PARVB: variants seen among roughly 807,000 people sequenced by gnomAD.
PARVB encodes the protein beta-parvin.
Under a neutral mutation model 47.0 loss-of-function variants are expected in PARVB, and 46 were observed. That is an observed-to-expected ratio of 0.98 (90% CI 0.77 to 1.25). PARVB has a LOEUF of 1.25. PARVB is among the 50% of genes most tolerant of loss of function. The probability of loss-of-function intolerance (pLI) is 0.00; values close to 1 mark genes in which losing one functional copy is unlikely to be tolerated. For synonymous variants in PARVB, 196 were observed against 196.3 expected, an observed-to-expected ratio of 1.00 and a Z score of 0.01; for missense variants, 473 against 471.6, an observed-to-expected ratio of 1.00 and a Z score of -0.03.
chr22:44,165,752 C>G (rs2054153940), intron 12 of PARVB, among the ~76,000 whole-genome samples: 1 of 152,244 alleles, frequency 6.6e-6, no homozygotes. Flanking sequence ...TCCAGCAGGG[C>G]CCACGGGCAG....
At chr22:44,014,045 ATC>A (rs55845140) in intron 2 of PARVB, among the ~76,000 whole-genome samples, 1,956 of 152,268 alleles carry the variant, frequency 0.013, 16 homozygotes, top group Non-Finnish European at 0.018. Flanking sequence ...CAAGACCTCC[ATC>A]TCTGTTTGAA....
rs1242675539 is a variant in PARVB, at chr22:44,069,076, A to G, written c.113-24852A>G. On this transcript the variant is annotated intron_variant, in intron 1 of 12. Coordinates refer to ENST00000338758, the MANE Select transcript of PARVB (RefSeq NM_013327.5). ...AGTGGCGCCCCTGCCACGTCCCTAT[A>G]TGAACGGGGTGTGTGCCCGCCTGCC... 5 of 1,602,170 alleles carry G rather than the reference A, an allele frequency of 3.1e-6. No individual in the cohort carries two copies. The African/African-American group carries it at 4.0e-5, about 13-fold the overall frequency.
chr22:44,114,566 GAT>G (rs1288873203), intron 3 of PARVB: 1 of 69,684 alleles, frequency 1.4e-5, no homozygotes. Flanking sequence ...CACCAACACA[GAT>G]ATGTTGTTAC....
chr22:44,141,901 T>C (rs988999192), intron 8 of PARVB: 3 of 152,204 alleles, frequency 2.0e-5, no homozygotes, highest in Admixed American at 1.3e-4. Flanking sequence ...ATCCTGTATA[T>C]AGTTGCTGAG....
chr22:44,002,558 G>T (rs949800134), intron 2 of PARVB, among the ~76,000 whole-genome samples: 26 of 152,232 alleles, frequency 1.7e-4, no homozygotes, highest in Middle Eastern at 3.4e-3. Flanking sequence ...TGGTCTCTGC[G>T]CTCCGTGGGG....
chr22:44,067,354 C>T (rs906013213), intron 1 of PARVB, among the ~76,000 whole-genome samples: 43 of 152,208 alleles, frequency 2.8e-4, no homozygotes, highest in African/African-American at 8.2e-4. Context: ...TTTTCAAGTG[C>T]GTAGTTATTT....
chr22:44,145,199 A>T (rs963572396), intron 8 of PARVB: 2 of 152,300 alleles, frequency 1.3e-5, no homozygotes, highest in African/African-American at 4.8e-5. Context: ...ACCAAGAGCG[A>T]GGCAGGGGCT....
intron 4 of PARVB, among the ~76,000 whole-genome samples, chr22:44,120,518 C>T (rs1430693904): frequency 6.6e-6 from 1 of 152,128 alleles, no homozygotes; most frequent in Non-Finnish European, 1.5e-5. Flanking sequence ...ACTGCGCTGC[C>T]TGCTTGTCCT....
intron 1 of PARVB, among the ~76,000 whole-genome samples, chr22:44,069,549 A>G (rs2051607660): frequency 6.6e-6 from 1 of 150,864 alleles, no homozygotes; most frequent in African/African-American, 2.4e-5. Flanking sequence ...TCTCTCTGAG[A>G]TGGAGTCTTG....
intron 1 of PARVB, among the ~76,000 whole-genome samples, chr22:44,029,604 G>A (rs2050788433): frequency 1.3e-5 from 2 of 150,420 alleles, no homozygotes. Context: ...GGGGAAACCC[G>A]GTCTCTACTA....
intron 3 of PARVB, chr22:44,109,073 G>A (rs2052631013): frequency 7.2e-6 from 1 of 138,424 alleles, no homozygotes; most frequent in Non-Finnish European, 1.6e-5. Context: ...CTGTCTTTAA[G>A]TTCTGTTTTC....
At chr22:44,073,363 G>A (rs1485411935) in intron 1 of PARVB, among the ~76,000 whole-genome samples, 1 of 152,150 alleles carries the variant, frequency 6.6e-6, no homozygotes. Flanking sequence ...GCGTGGCGGT[G>A]CATGCTTGTA....
chr22:44,100,842 T>C (rs933002744), intron 3 of PARVB, among the ~76,000 whole-genome samples: 4 of 152,176 alleles, frequency 2.6e-5, no homozygotes, highest in Admixed American at 6.5e-5. Context: ...GGGCTCTGCC[T>C]GACCTTGGTG....
intron 8 of PARVB, chr22:44,140,781 T>A (rs2053535932): frequency 2.5e-5 from 8 of 316,482 alleles, no homozygotes; most frequent in South Asian, 1.6e-4. Context: ...TGTGGGCTGG[T>A]TTTATTAGTG....
At position 44,133,865 on chromosome 22, in the gene PARVB, C is replaced by T. The variant is rs145070860; in HGVS notation, c.633+856C>T. On this transcript the variant is annotated intron_variant, in intron 6 of 12. Coordinates refer to ENST00000338758, the MANE Select transcript of PARVB (RefSeq NM_013327.5). ...TTTCCCTTACATTTAAGTGGACAGT[C>T]GCTGCCTAGGGTTCGTGTGTGCAGT... Among the ~76,000 whole-genome samples the T allele has an allele frequency of 5.8e-3, 888 of 152,318 alleles. 7 individuals carry two copies. Among genetic ancestry groups the T allele is most frequent in the African/African-American group, 0.02 (847 of 41,562 alleles).
chr22:44,077,826 T>C (rs1447309783), intron 1 of PARVB, among the ~76,000 whole-genome samples: 1 of 151,976 alleles, frequency 6.6e-6, no homozygotes, highest in South Asian at 2.1e-4. Context: ...GCCTCCCGAG[T>C]AGCTGGTATT....
chr22:44,096,089 G>A (rs2052299934), intron 2 of PARVB, among the ~76,000 whole-genome samples: 1 of 152,190 alleles, frequency 6.6e-6, no homozygotes, highest in Non-Finnish European at 1.5e-5. Context: ...GCTGAGTGTG[G>A]TGGCAAACAC....
intron 1 of PARVB, among the ~76,000 whole-genome samples, chr22:44,034,745 C>T (rs1192871249): frequency 7.9e-6 from 1 of 126,634 alleles, no homozygotes; most frequent in Admixed American, 9.8e-5. Context: ...GAGTTTCGCT[C>T]TTGTCACTAG....
intron 2 of PARVB, among the ~76,000 whole-genome samples, chr22:44,006,805 C>T (rs1376636389): frequency 6.6e-6 from 1 of 152,186 alleles, no homozygotes; most frequent in Non-Finnish European, 1.5e-5. Flanking sequence ...CAGCTCCCAC[C>T]TGCCACGTGG....
Sources: allele counts gnomAD v4.1 joint callset (sites outside exome capture counted in the v4.1 genomes callset), GRCh38; gene constraint gnomAD v4.1.1; transcripts MANE v1.5; gene names NCBI Gene and HGNC (gene_info 2026-07-23, HGNC 2026-07-21).